The following TSTD2 variants were observed in gnomAD, a reference collection of about 807,000 sequenced individuals.
The protein encoded by TSTD2 is thiosulfate sulfurtransferase like domain containing 2, also known as thiosulfate sulfurtransferase/rhodanese-like domain-containing protein 2.
In TSTD2, 37 loss-of-function variants were observed where a neutral mutation model predicts 47.9. The observed-to-expected ratio is 0.77, with a 90% confidence interval of 0.59 to 1.02. TSTD2 has a LOEUF of 1.02. Among genes scored for constraint, TSTD2 ranks in the 50% least tolerant of loss-of-function variants. The pLI is 0.00. For missense variants in TSTD2, 586 were observed against 616.0 expected, an observed-to-expected ratio of 0.95 and a Z score of 0.52; for synonymous variants, 201 against 215.9, an observed-to-expected ratio of 0.93 and a Z score of 0.61.
At chr9:97,606,380 T>C in intron 6 of TSTD2, 119 bp from the exon 7 acceptor site, 1 of 616,602 alleles carries the variant, frequency 1.6e-6, no homozygotes, top group Non-Finnish European at 2.9e-6. Context: ...TCTCTTCTCT[T>C]CATAATTACA....
chr9:97,626,145 C>T (rs546353972), intron 2 of TSTD2, 148 bp from the exon 3 acceptor site: 4 of 779,892 alleles, frequency 5.1e-6, no homozygotes, highest in South Asian at 4.0e-5. Flanking sequence ...AGAAGTAACA[C>T]TTCTCTTATT....
intron 6 of TSTD2, among the ~76,000 whole-genome samples, chr9:97,609,769 A>G (rs2131308103): frequency 6.6e-6 from 1 of 152,340 alleles, no homozygotes; most frequent in East Asian, 1.9e-4. Flanking sequence ...GATGGGGTAT[A>G]GGTGAGAGCT....
At chr9:97,632,773 G>A (rs149043093) in intron 1 of TSTD2, among the ~76,000 whole-genome samples, 222 of 152,270 alleles carry the variant, frequency 1.5e-3, no homozygotes, top group African/African-American at 5.2e-3. Flanking sequence ...ACAGATAATT[G>A]TTATGTAAAA....
chr9:97,620,921 A>C (rs1587981799), intron 3 of TSTD2, among the ~76,000 whole-genome samples: 1 of 152,226 alleles, frequency 6.6e-6, no homozygotes, highest in East Asian at 1.9e-4. Flanking sequence ...TTCTGAGGAG[A>C]AATTCAAACT....
At chr9:97,620,411 A>G (rs1203919836) in intron 3 of TSTD2, among the ~76,000 whole-genome samples, 1 of 152,178 alleles carries the variant, frequency 6.6e-6, no homozygotes, top group Non-Finnish European at 1.5e-5. Context: ...TATCAGCAGC[A>G]TGAAAATGAA....
chr9:97,609,228 TA>T (rs1303150591), intron 6 of TSTD2, among the ~76,000 whole-genome samples: 5 of 152,260 alleles, frequency 3.3e-5, no homozygotes, highest in Admixed American at 1.3e-4. Flanking sequence ...TAATCTCATC[TA>T]TTTTTTACTT....
Position 97,601,188 on chromosome 9 carries a change from C to T in TSTD2, c.*1281G>A, listed in dbSNP as rs2131301958. On this transcript the variant is annotated 3_prime_UTR_variant, in exon 10 of 10. Coordinates refer to ENST00000341170, the MANE Select transcript of TSTD2 (RefSeq NM_139246.5). ...ATCCCCATTTGGCTTCTCCTTAAAA[C>T]ACAATTGCAGCTGCATTCTGCATCG... is the stretch of plus-strand genomic sequence containing the variant. 1.5e-6 allele frequency: 2 copies of T among 1,298,646 alleles called. No individual in the cohort carries two copies. Among genetic ancestry groups the T allele is most frequent in the Non-Finnish European group, 2.0e-6 (2 of 985,858 alleles). 80.4% of individuals were successfully genotyped at this position (1,298,646 alleles called of 1,614,324 possible). A position where few individuals can be genotyped will look rare whatever the true frequency, so the allele number is the denominator to read the frequency against.
Position 97,611,487 on chromosome 9 carries a change from T to C in TSTD2, c.729+87A>G, listed in dbSNP as rs2773346. 64,178 of 1,437,068 alleles carry C rather than the reference T, an allele frequency of 0.045. 1,751 individuals are homozygous for C. Among genetic ancestry groups the C allele is most frequent in the Non-Finnish European group, 0.053 (56,797 of 1,072,612 alleles). 89.0% of individuals were successfully genotyped at this position (1,437,068 alleles called of 1,614,324 possible). Reference sequence around the variant, plus strand: ...AAGGGTATTTATTTGGCACTGCTTATTTCTCTACTTTGAACTCCTCTTCAA... The same window carrying C: ...AAGGGTATTTATTTGGCACTGCTTACTTCTCTACTTTGAACTCCTCTTCAA... On this transcript the variant is annotated intron_variant, in intron 5 of 9. Coordinates refer to ENST00000341170, the MANE Select transcript of TSTD2 (RefSeq NM_139246.5).
At chr9:97,625,538 G>T (rs969677504) in intron 3 of TSTD2, 143 bp downstream of exon 3, 1 of 772,028 alleles carries the variant, frequency 1.3e-6, no homozygotes, top group Non-Finnish European at 2.0e-6. Flanking sequence ...GTGACTGGGT[G>T]TTCCAGTTGT....
rs1587973153 is a variant in TSTD2 at position 97,602,327 on chromosome 9, A to G, written c.*142T>C. 1.0e-6 allele frequency: 1 copy of G among 961,244 alleles called. No individual in the cohort carries two copies. The highest frequency in any genetic ancestry group is 1.5e-6 in the Non-Finnish European group (1 of 667,282). 59.5% of individuals were successfully genotyped at this position (961,244 alleles called of 1,614,324 possible). A position where few individuals can be genotyped will look rare whatever the true frequency, so the allele number is the denominator to read the frequency against. On this transcript the variant is annotated 3_prime_UTR_variant, in exon 10 of 10. Coordinates refer to ENST00000341170, the MANE Select transcript of TSTD2 (RefSeq NM_139246.5). ...ACGTGACTCCTCCCCTCCCGCTGTG[A>G]AGTGTAGACGGCTGCCACGGTGGCA... is the stretch of plus-strand genomic sequence containing the variant.
chr9:97,617,066 T>C (rs1037840537), intron 4 of TSTD2, among the ~76,000 whole-genome samples: 1 of 152,252 alleles, frequency 6.6e-6, no homozygotes, highest in Non-Finnish European at 1.5e-5. Flanking sequence ...ATGAAGCTTA[T>C]AAATGAAGAT....
intron 7 of TSTD2, 99 bp from the exon 8 acceptor site, chr9:97,605,740 G>GC (rs1043506248): frequency 1.0e-5 from 15 of 1,462,178 alleles, no homozygotes; most frequent in Non-Finnish European, 1.3e-5. Flanking sequence ...TAGCAAAGAA[G>GC]CCCCTGCCAG....
intron 2 of TSTD2, among the ~76,000 whole-genome samples, chr9:97,626,888 G>A (rs1826730306): frequency 6.6e-6 from 1 of 150,832 alleles, no homozygotes; most frequent in Non-Finnish European, 1.5e-5. Flanking sequence ...TATTTTTAAT[G>A]TTGGTCCAAA....
chr9:97,601,162 C>T lies in TSTD2; in HGVS notation c.*1307G>A. The T allele has an allele frequency of 1.5e-6, 2 of 1,301,874 alleles. No individual in the cohort carries two copies. Among genetic ancestry groups the T allele is most frequent in the East Asian group, 5.6e-5 (1 of 18,014 alleles). The allele number at this position is 1,301,874 out of a possible 1,614,324, so 80.6% of individuals were successfully genotyped here. ...AGTGGCACCATGTTGCAGGGACAAC[C>T]ATCCCCATTTGGCTTCTCCTTAAAA... On this transcript the variant is annotated 3_prime_UTR_variant, in exon 10 of 10. Transcript: ENST00000341170.
intron 9 of TSTD2, among the ~76,000 whole-genome samples, chr9:97,603,827 G>A (rs1826316872): frequency 6.6e-6 from 1 of 152,102 alleles, no homozygotes; most frequent in African/African-American, 2.4e-5. Flanking sequence ...AGCCTCCTGA[G>A]TATCTGGTAC....
chr9:97,621,791 C>T (rs965950637), intron 3 of TSTD2, among the ~76,000 whole-genome samples: 2 of 152,124 alleles, frequency 1.3e-5, no homozygotes, highest in African/African-American at 4.8e-5. Flanking sequence ...GGACATGAAA[C>T]CTCATCAGTA....
intron 4 of TSTD2, among the ~76,000 whole-genome samples, chr9:97,616,279 G>A (rs1826539976): frequency 6.6e-6 from 1 of 152,158 alleles, no homozygotes; most frequent in Non-Finnish European, 1.5e-5. Flanking sequence ...GAGAGGAAAA[G>A]GTAAGAAGGG....
chr9:97,611,077 A>G (rs7022078), intron 5 of TSTD2: 18,035 of 144,644 alleles, frequency 0.12, 3,023 homozygotes, highest in African/African-American at 0.37. Flanking sequence ...TGACTCAGTG[A>G]AAGAATGGGG....
intron 2 of TSTD2, among the ~76,000 whole-genome samples, chr9:97,626,536 A>G (rs1826723855): frequency 1.3e-5 from 2 of 152,230 alleles, no homozygotes; most frequent in South Asian, 4.1e-4. Flanking sequence ...CTTCTTGGAA[A>G]ATAATATTAC....
Sources: gnomAD v4.1 joint callset for allele counts (sites outside exome capture counted in the v4.1 genomes callset) on GRCh38, gnomAD v4.1.1 for gene constraint, MANE v1.5 for transcripts, NCBI Gene and HGNC (gene_info 2026-07-23, HGNC 2026-07-21) for gene names.